The following ANK3 variants were observed in gnomAD, a reference collection of about 807,000 sequenced individuals.
ANK3 encodes the protein ankyrin-3.
A neutral mutation model predicts 370.9 loss-of-function variants in ANK3; 57 were observed. That is an observed-to-expected ratio of 0.15 (90% CI 0.12 to 0.19). The LOEUF (loss-of-function observed/expected upper bound fraction) is 0.19. Ranked by LOEUF, ANK3 falls within the 10% of genes least tolerant of loss-of-function variation. The probability of loss-of-function intolerance (pLI) is 1.00; values close to 1 mark genes in which losing one functional copy is unlikely to be tolerated. For missense variants in ANK3, 4,439 were observed against 5,302.1 expected (o/e 0.84, Z 5.06); for synonymous variants, 1,929 against 1,946.3 (o/e 0.99, Z 0.23).
intron 1 of ANK3, among the ~76,000 whole-genome samples, chr10:60,620,017 C>G (rs981848932): frequency 9.2e-5 from 14 of 152,154 alleles, no homozygotes; most frequent in African/African-American, 3.1e-4. Context: ...ATATATGGGC[C>G]AAATCATGCC....
At chr10:60,478,965 T>C (rs567160856) in intron 2 of ANK3, among the ~76,000 whole-genome samples, 1 of 152,202 alleles carries the variant, frequency 6.6e-6, no homozygotes, top group South Asian at 2.1e-4. Context: ...TTTATTGTCA[T>C]TATTGTTGAT....
intron 42 of ANK3, among the ~76,000 whole-genome samples, chr10:60,047,875 T>TATC (rs2077214103): frequency 6.6e-6 from 1 of 152,202 alleles, no homozygotes; most frequent in South Asian, 2.1e-4. Flanking sequence ...CACTGTATAT[T>TATC]ATCAAATTGT....
chr10:60,502,191 A>T (rs1043316720), intron 2 of ANK3, among the ~76,000 whole-genome samples: 5 of 152,192 alleles, frequency 3.3e-5, no homozygotes, highest in African/African-American at 1.2e-4. Flanking sequence ...TAGGTACTAG[A>T]GCTACAGGGA....
intron 2 of ANK3, among the ~76,000 whole-genome samples, chr10:60,464,391 T>C (rs991116184): frequency 6.6e-6 from 1 of 152,184 alleles, no homozygotes; most frequent in Admixed American, 6.5e-5. Context: ...AACAAGATAA[T>C]AGTAGACAAA....
Position 60,141,564 on chromosome 10 carries a change from T to TTTTGTTTTTTG in ANK3, c.2615-2478_2615-2477insCAAAAAACAAA, listed in dbSNP as rs1448987773. 7.3e-3 allele frequency among the ~76,000 whole-genome samples: 306 copies of TTTTGTTTTTTG among 41,802 alleles called. 1 individual carries two copies. The highest frequency in any genetic ancestry group is 0.021 in the African/African-American group (288 of 13,842). The allele number at this position is 41,802 out of a possible 152,430, so 27.4% of individuals were successfully genotyped here. A position where few individuals can be genotyped will look rare whatever the true frequency, so the allele number is the denominator to read the frequency against. On this transcript the variant is annotated intron_variant, in intron 23 of 43. Transcript: ENST00000280772. ...TGGAGAGGCCATTTCAATTGCTGTT[T>TTTTGTTTTTTG]TTTTTTTTTTTTTTTTTTTTTTGCT...
intron 28 of ANK3, among the ~76,000 whole-genome samples, chr10:60,104,283 A>G (rs1038799129): frequency 2.1e-5 from 3 of 139,678 alleles, no homozygotes; most frequent in Non-Finnish European, 4.6e-5. Flanking sequence ...GCTTGAACCC[A>G]GGAGGCGGAC....
chr10:60,084,644 T>A lies in ANK3; in HGVS notation c.4032A>T (p.Gln1344His). The A allele has an allele frequency of 6.2e-7, 1 of 1,613,996 alleles. No homozygotes were observed. The highest frequency in any genetic ancestry group is 2.2e-5 in the East Asian group (1 of 44,860). ...TDDKVDKTLE[Q>H]QENFEEVARS... ...TTGCGACTTCCTCAAAATTCTCTTG[T>A]TGCTCTAAAGTTTTGTCCACTTTGT... The change falls in exon 32 of 44, where the codon CAA becomes CAT. Residue 1344 changes from glutamine (Q) to histidine (H), a missense_variant. By Grantham distance (24) the Gln-to-His change is conservative. Around this residue, in one of 13 missense-constraint regions of ANK3, gnomAD observed 702 missense variants for 941.5 expected, o/e 0.75. Transcript: ENST00000280772.
At chr10:60,067,506 C>G (rs1249072778) in intron 38 of ANK3, among the ~76,000 whole-genome samples, 1 of 152,104 alleles carries the variant, frequency 6.6e-6, no homozygotes, top group African/African-American at 2.4e-5. Flanking sequence ...ATTTGTGCAG[C>G]CTAGGCGTGG....
At chr10:60,360,696 CA>C (rs35721606) in intron 1 of ANK3, among the ~76,000 whole-genome samples, 40 of 146,412 alleles carry the variant, frequency 2.7e-4, no homozygotes, top group Non-Finnish European at 4.2e-4. Context: ...AGACCAGTGT[CA>C]AAAAAAAAAG....
chr10:60,197,086 T>G (rs1173098587), intron 14 of ANK3, among the ~76,000 whole-genome samples: 2 of 152,138 alleles, frequency 1.3e-5, no homozygotes, highest in Admixed American at 1.3e-4. Context: ...CAATCTCACA[T>G]CACCAGACCA....
At chr10:60,494,744 G>C (rs114412997) in intron 2 of ANK3, among the ~76,000 whole-genome samples, 74 of 152,208 alleles carry the variant, frequency 4.9e-4, no homozygotes, top group African/African-American at 1.7e-3. Context: ...ATTCAGGAAT[G>C]TTATATGTTT....
chr10:60,705,496 T>A (rs2079601975), intron 1 of ANK3, among the ~76,000 whole-genome samples: 1 of 152,224 alleles, frequency 6.6e-6, no homozygotes, highest in Admixed American at 6.5e-5. Flanking sequence ...ACAGAGGCTC[T>A]AAGTTATGAT....
intron 8 of ANK3, among the ~76,000 whole-genome samples, chr10:60,233,623 A>G (rs1314387911): frequency 6.6e-6 from 1 of 151,996 alleles, no homozygotes; most frequent in Non-Finnish European, 1.5e-5. Context: ...ATTGGTAGAG[A>G]TGGAGGTTTT....
At chr10:60,155,111 C>T (rs1287248622) in intron 23 of ANK3, among the ~76,000 whole-genome samples, 1 of 151,960 alleles carries the variant, frequency 6.6e-6, no homozygotes, top group African/African-American at 2.4e-5. Context: ...TCCATAATAA[C>T]AAAAAAATTA....
intron 6 of ANK3, among the ~76,000 whole-genome samples, chr10:60,262,363 T>A (rs72820490): frequency 0.055 from 8,316 of 152,286 alleles, 387 homozygotes; most frequent in African/African-American, 0.13. Context: ...TATAGATTCA[T>A]ATTACTGAAC....
At chr10:60,547,031 T>C (rs971095812) in intron 2 of ANK3, among the ~76,000 whole-genome samples, 2 of 151,794 alleles carry the variant, frequency 1.3e-5, no homozygotes, top group African/African-American at 4.8e-5. Flanking sequence ...TTTCAACTAC[T>C]ACTAATGTTG....
At chr10:60,471,216 A>G (rs1217424042) in intron 2 of ANK3, among the ~76,000 whole-genome samples, 2 of 152,166 alleles carry the variant, frequency 1.3e-5, no homozygotes, top group East Asian at 1.9e-4. Flanking sequence ...TTACAAGCCA[A>G]TTGGTCCCTA....
At chr10:60,245,616 C>T (rs1565955964) in intron 7 of ANK3, among the ~76,000 whole-genome samples, 1 of 152,162 alleles carries the variant, frequency 6.6e-6, no homozygotes, top group Non-Finnish European at 1.5e-5. Flanking sequence ...TCTTTTGTGA[C>T]TGGCTTCTTT....
intron 2 of ANK3, among the ~76,000 whole-genome samples, chr10:60,564,579 A>G (rs1286711489): frequency 2.0e-5 from 3 of 152,212 alleles, no homozygotes; most frequent in African/African-American, 7.2e-5. Context: ...TAAGAATACA[A>G]TATAATTCCA....
Sources: gnomAD v4.1 joint callset for allele counts (sites outside exome capture counted in the v4.1 genomes callset) on GRCh38, gnomAD v4.1.1 for gene constraint, gnomAD v4.1.1 regional missense constraint, MANE v1.5 for transcripts, NCBI Gene and HGNC (gene_info 2026-07-23, HGNC 2026-07-21) for gene names.